PDE11A: variants seen among roughly 807,000 people sequenced by gnomAD.
PDE11A encodes phosphodiesterase 11A, also known as dual 3',5'-cyclic-AMP and -GMP phosphodiesterase 11A.
PDE11A carries 100 observed loss-of-function variants against 100.5 expected under a neutral mutation model. The observed-to-expected ratio is 1.00, with a 90% CI of 0.85 to 1.18. The LOEUF is 1.18. Ranked by LOEUF, PDE11A falls within the 50% of genes most tolerant of loss-of-function variation. PDE11A has a pLI of 0.00. For synonymous variants in PDE11A, 381 were observed against 420.8 expected, an observed-to-expected ratio of 0.91 and a Z score of 1.16; for missense variants, 1,141 against 1,152.6, an observed-to-expected ratio of 0.99 and a Z score of 0.15.
intron 1 of PDE11A, among the ~76,000 whole-genome samples, chr2:178,064,284 C>T (rs2087011292): frequency 6.6e-6 from 1 of 152,158 alleles, no homozygotes; most frequent in African/African-American, 2.4e-5. Flanking sequence ...TGAGGTTGTA[C>T]AGAGAACAGG....
At chr2:178,094,544 C>T (rs761049738) in intron 2 of PDE11A, among the ~76,000 whole-genome samples, 10 of 151,708 alleles carry the variant, frequency 6.6e-5, no homozygotes, top group African/African-American at 1.2e-4. Context: ...AAAACAAAAA[C>T]GAAATGTTAA....
In PDE11A at chr2:177,885,049, A is replaced by G. The variant is rs376925038; in HGVS notation, c.1303-9126T>C. The stretch of plus-strand genomic sequence containing the variant: ...TGGACAGTGGGGTTAGGGGTTCAGT[A>G]GTTGAAGATTATATAAATATATATA... On this transcript the variant is annotated intron_variant, in intron 4 of 19. Transcript: ENST00000286063. Among the ~76,000 whole-genome samples, 33 of 152,242 alleles carry G rather than the reference A, an allele frequency of 2.2e-4. 1 individual carries two copies. The highest frequency in any genetic ancestry group is 1.7e-3 in the East Asian group (9 of 5,184).
chr2:178,045,193 G>T (rs185043532), intron 1 of PDE11A, among the ~76,000 whole-genome samples: 2 of 152,248 alleles, frequency 1.3e-5, no homozygotes, highest in Admixed American at 6.5e-5. Context: ...ATGGATATAT[G>T]CAAGTATAAG....
intron 2 of PDE11A, among the ~76,000 whole-genome samples, chr2:178,087,059 G>A (rs947180924): frequency 1.3e-5 from 2 of 152,136 alleles, no homozygotes; most frequent in African/African-American, 2.4e-5. Flanking sequence ...AATGTCAGCT[G>A]GGCGCTGTGG....
intron 12 of PDE11A, among the ~76,000 whole-genome samples, chr2:177,716,735 T>C (rs945134141): frequency 1.3e-5 from 2 of 152,178 alleles, no homozygotes; most frequent in Non-Finnish European, 2.9e-5. Flanking sequence ...ACTTTGCCCA[T>C]GGAAAAGCTA....
chr2:177,859,009 C>T (rs575846070), intron 5 of PDE11A, among the ~76,000 whole-genome samples: 1 of 152,172 alleles, frequency 6.6e-6, no homozygotes, highest in African/African-American at 2.4e-5. Context: ...AAAAACCAAA[C>T]ACCGCATGTT....
Position 177,727,726 on chromosome 2 carries a change from G to A in PDE11A, c.1975C>T (p.Arg659Trp), listed in dbSNP as rs576232838. The A allele has an allele frequency of 1.7e-5, 27 of 1,611,576 alleles. No individual in the cohort carries two copies. Among genetic ancestry groups the A allele is most frequent in the East Asian group, 4.5e-5 (2 of 44,862 alleles). Residue 659 changes from arginine (R) to tryptophan (W), a missense_variant, in exon 12 of 20, where the codon CGG (arginine) becomes TGG (tryptophan). By Grantham distance (101) the Arg-to-Trp change is moderately radical. Coordinates refer to ENST00000286063, the MANE Select transcript of PDE11A (RefSeq NM_016953.4). ...CTCCAGTTGTGGTATAGAACCATCC[G>A]ATAGTTTTTCCTCACTGTCAAAAGC... ...RWLLTVRKNY[R>W]MVLYHNWRHA...
intron 19 of PDE11A, among the ~76,000 whole-genome samples, chr2:177,656,554 C>T (rs963929249): frequency 6.6e-6 from 1 of 152,248 alleles, no homozygotes; most frequent in Non-Finnish European, 1.5e-5. Context: ...ACTGCTTATA[C>T]TGCATCCCAT....
chr2:177,992,061 T>A (rs961589149), intron 2 of PDE11A, among the ~76,000 whole-genome samples: 4 of 151,370 alleles, frequency 2.6e-5, no homozygotes, highest in Admixed American at 1.3e-4. Context: ...AAAGACTAAA[T>A]AATATATTAC....
At chr2:177,946,012 G>GC (rs1574298854) in intron 2 of PDE11A, among the ~76,000 whole-genome samples, 3 of 146,042 alleles carry the variant, frequency 2.1e-5, no homozygotes, top group Non-Finnish European at 3.0e-5. Context: ...TGGGGGGTCA[G>GC]CCCCCCCACC....
intron 2 of PDE11A, chr2:177,997,457 T>C: frequency 2.4e-6 from 2 of 828,512 alleles, no homozygotes; most frequent in Admixed American, 3.4e-5. Flanking sequence ...TACTGTGCTC[T>C]TACAAGAAGG....
chr2:177,998,526 G>T, intron 2 of PDE11A: 1 of 1,383,236 alleles, frequency 7.2e-7, no homozygotes, highest in Non-Finnish European at 1.0e-6. Context: ...TTCTTTAATT[G>T]CTTGACGTCA....
Position 177,939,215 on chromosome 2 carries a change from G to A in PDE11A, c.1072-34028C>T, listed in dbSNP as rs551590873. Among the ~76,000 whole-genome samples, 154 of 152,146 alleles carry A rather than the reference G, an allele frequency of 1.0e-3. 2 individuals are homozygous for A. In the Middle Eastern group the frequency reaches 0.01, roughly 10 times the overall value. On this transcript the variant is annotated intron_variant, in intron 2 of 19. Coordinates refer to ENST00000286063, the MANE Select transcript of PDE11A (RefSeq NM_016953.4). ...GGCTAAACATTGTTTATCAACAACT[G>A]CTAACATTACAAAAGGAGAGCCAAG...
rs1347845602 is a variant in PDE11A at position 177,624,325 on chromosome 2, T to G, written c.*5082A>C. On this transcript the variant is annotated 3_prime_UTR_variant, in exon 20 of 20. Coordinates refer to ENST00000286063, the MANE Select transcript of PDE11A (RefSeq NM_016953.4). ...AAATCTTTCCCTAGTATGTCTAGGT[T>G]TCTGTCCCACTGGAAGGAAATTGTT... 2 of 151,760 alleles carry G rather than the reference T, an allele frequency of 1.3e-5. No homozygotes were observed. 9.4% of individuals were successfully genotyped at this position (151,760 alleles called of 1,614,324 possible). A position where few individuals can be genotyped will look rare whatever the true frequency, so the allele number is the denominator to read the frequency against.
rs1431999497 is a variant in PDE11A at position 177,626,529 on chromosome 2, C to T, written c.*2878G>A. On this transcript the variant is annotated 3_prime_UTR_variant, in exon 20 of 20. Coordinates refer to ENST00000286063, the MANE Select transcript of PDE11A (RefSeq NM_016953.4). ...ACCAGACTCTGTCCCTGACTCCACC[C>T]ACCCTTTGTTCCCCACCTGAAGGAG... 2 of 152,716 alleles carry T rather than the reference C, an allele frequency of 1.3e-5. No homozygotes were observed. The highest frequency in any genetic ancestry group is 4.8e-5 in the African/African-American group (2 of 41,454). The allele number at this position is 152,716 out of a possible 1,614,324, so 9.5% of individuals were successfully genotyped here. A position where few individuals can be genotyped will look rare whatever the true frequency, so the allele number is the denominator to read the frequency against.
chr2:177,940,385 A>G (rs2085332302), intron 2 of PDE11A, among the ~76,000 whole-genome samples: 1 of 152,194 alleles, frequency 6.6e-6, no homozygotes, highest in Non-Finnish European at 1.5e-5. Context: ...TGATATTTGG[A>G]ATTATATTTG....
intron 4 of PDE11A, among the ~76,000 whole-genome samples, chr2:177,877,814 A>G (rs2084265845): frequency 6.6e-6 from 1 of 152,124 alleles, no homozygotes; most frequent in Non-Finnish European, 1.5e-5. Context: ...GATATACCAC[A>G]TGATAGAAAA....
intron 3 of PDE11A, among the ~76,000 whole-genome samples, chr2:177,899,244 A>G (rs1305551680): frequency 2.0e-5 from 3 of 152,084 alleles, no homozygotes; most frequent in Non-Finnish European, 1.5e-5. Flanking sequence ...CGACTCTACT[A>G]AAAATACAAA....
intron 1 of PDE11A, among the ~76,000 whole-genome samples, chr2:178,065,298 T>G (rs931177213): frequency 2.6e-5 from 4 of 152,216 alleles, no homozygotes; most frequent in African/African-American, 9.6e-5. Flanking sequence ...TGTATGACTC[T>G]TCAACATTAT....
Sources: gnomAD v4.1 joint callset for allele counts (sites outside exome capture counted in the v4.1 genomes callset) on GRCh38, gnomAD v4.1.1 for gene constraint, MANE v1.5 for transcripts, NCBI Gene and HGNC (gene_info 2026-07-23, HGNC 2026-07-21) for gene names.